Variants in HSD17B14 observed in about 807,000 individuals in gnomAD.
HSD17B14 encodes hydroxysteroid 17-beta dehydrogenase 14, also known as L-fucose dehydrogenase.
A neutral mutation model predicts 32.2 loss-of-function variants in HSD17B14; 32 were observed. That is an observed-to-expected ratio of 0.99 (90% CI 0.75 to 1.33). The LOEUF (loss-of-function observed/expected upper bound fraction) is 1.33. Among genes scored for constraint, HSD17B14 ranks in the 40% most tolerant of loss-of-function variants. HSD17B14 has a pLI of 0.00. For missense variants in HSD17B14, 370 were observed against 366.5 expected (o/e 1.01, Z -0.08); for synonymous variants, 140 against 155.4 (o/e 0.90, Z 0.74).
intron 5 of HSD17B14, among the ~76,000 whole-genome samples, chr19:48,823,804 A>AT (rs1310704953): frequency 1.3e-5 from 2 of 150,094 alleles, no homozygotes; most frequent in African/African-American, 4.9e-5. Flanking sequence ...TGCCCCGCTA[A>AT]TTTTTTTTGT....
chr19:48,834,128 G>C, intron 3 of HSD17B14, 148 bp downstream of exon 3: 1 of 647,644 alleles, frequency 1.5e-6, no homozygotes, highest in South Asian at 1.8e-5. Flanking sequence ...CCTTGTGTGT[G>C]GAGTGACACT....
chr19:48,827,531 T>C (rs1385223351), intron 5 of HSD17B14, among the ~76,000 whole-genome samples: 1 of 151,214 alleles, frequency 6.6e-6, no homozygotes, highest in Non-Finnish European at 1.5e-5. Flanking sequence ...GGCTTTGATG[T>C]GTGTTCTTCT....
chr19:48,827,465 T>C (rs1270780810), intron 5 of HSD17B14, among the ~76,000 whole-genome samples: 1 of 152,120 alleles, frequency 6.6e-6, no homozygotes, highest in East Asian at 1.9e-4. Context: ...AGAATAAAGA[T>C]GTTATGGAGA....
At position 48,813,748 on chromosome 19, in the gene HSD17B14, G is replaced by C. The variant is rs2035003790; in HGVS notation, c.475-18C>G. On this transcript the variant is annotated intron_variant, in intron 6 of 8. Transcript: ENST00000263278. The stretch of plus-strand genomic sequence containing the variant: ...ACTGCCCCCTGCAGGAAATGGAGCG[G>C]GGAAGAAAGTTCAGTCCCCGGGACA... The C allele has an allele frequency of 1.2e-6, 2 of 1,614,036 alleles. No homozygotes were observed. Among genetic ancestry groups the C allele is most frequent in the African/African-American group, 2.7e-5 (2 of 74,928 alleles).
At chr19:48,817,866 G>A (rs1459165337) in intron 5 of HSD17B14, among the ~76,000 whole-genome samples, 2 of 152,176 alleles carry the variant, frequency 1.3e-5, no homozygotes, top group Admixed American at 6.5e-5. Flanking sequence ...GTACAGCTGA[G>A]AGTCCCATTT....
chr19:48,820,533 ATT>A (rs531121579), intron 5 of HSD17B14, among the ~76,000 whole-genome samples: 4 of 141,078 alleles, frequency 2.8e-5, no homozygotes, highest in East Asian at 2.1e-4. Context: ...GAATGGATAG[ATT>A]TTTTTTTTTT....
At chr19:48,828,428 A>G (rs767442071) in intron 5 of HSD17B14, among the ~76,000 whole-genome samples, 3 of 151,554 alleles carry the variant, frequency 2.0e-5, no homozygotes, top group Non-Finnish European at 2.9e-5. Context: ...GACCAGCCTG[A>G]GCAGCATAGA....
intron 5 of HSD17B14, among the ~76,000 whole-genome samples, chr19:48,815,389 C>A (rs2035034865): frequency 1.3e-5 from 2 of 152,148 alleles, no homozygotes; most frequent in South Asian, 4.1e-4. Flanking sequence ...TCTCCTCGGT[C>A]TCTGACTCTG....
chr19:48,820,920 T>C (rs146930165), intron 5 of HSD17B14, among the ~76,000 whole-genome samples: 2,770 of 151,816 alleles, frequency 0.018, 89 homozygotes, highest in African/African-American at 0.063. Context: ...GCCAGGCTGG[T>C]CTCAAACCCC....
chr19:48,827,711 G>C (rs1034256619), intron 5 of HSD17B14, among the ~76,000 whole-genome samples: 1 of 150,524 alleles, frequency 6.6e-6, no homozygotes, highest in African/African-American at 2.4e-5. Flanking sequence ...CTAATTTTTT[G>C]TGTATTTTTA....
intron 5 of HSD17B14, among the ~76,000 whole-genome samples, chr19:48,828,677 C>T (rs756294195): frequency 6.6e-6 from 1 of 151,924 alleles, no homozygotes; most frequent in Non-Finnish European, 1.5e-5. Flanking sequence ...CACCTGTAAT[C>T]CCAGGAGTTT....
intron 5 of HSD17B14, among the ~76,000 whole-genome samples, chr19:48,828,075 C>T (rs577673726): frequency 1.3e-5 from 2 of 151,620 alleles, no homozygotes; most frequent in Non-Finnish European, 2.9e-5. Context: ...AAGATGGTCT[C>T]GATCTCCTGA....
chr19:48,815,117 T>C lies in HSD17B14; in HGVS notation c.394A>G (p.Ser132Gly). The change falls in exon 6 of 9, where the codon AGT becomes GGT. Residue 132 changes from serine to glycine, a missense_variant. Ser to Gly is a moderately conservative substitution (Grantham distance 56). Transcript: ENST00000263278. ...TKLALPYLRKSQGNVINISSL... is the reference protein window; with the variant it reads ...TKLALPYLRKGQGNVINISSL... ...GAGATGTTGATGACATTCCCTTGAC[T>C]CTTCCGCAGGTAGGGGAGGGCGAGC... 6.2e-7 allele frequency: 1 copy of C among 1,613,946 alleles called. No homozygotes were observed. Among genetic ancestry groups the C allele is most frequent in the South Asian group, 1.1e-5 (1 of 91,082 alleles).
intron 5 of HSD17B14, among the ~76,000 whole-genome samples, chr19:48,826,525 G>GAAGAAAAAAAAAAAAAAAA (rs1555776978): frequency 1.9e-4 from 1 of 5,148 alleles, no homozygotes; most frequent in African/African-American, 2.7e-4. Flanking sequence ...AAGAAAAGAA[G>GAAGAAAAAAAAAAAAAAAA]AAAATATATA....
Position 48,819,329 on chromosome 19 carries a change from C to T in HSD17B14, c.370-4188G>A, listed in dbSNP as rs554023800. On this transcript the variant is annotated intron_variant, in intron 5 of 8. Transcript: ENST00000263278. ...CCTAATACTGGTTCTCCCACTCTCA[C>T]GCTTAACCCTCAGATTTGTCCCTCA... Among the ~76,000 whole-genome samples the T allele has an allele frequency of 1.8e-3, 267 of 152,252 alleles. 1 individual carries two copies. Among genetic ancestry groups the T allele is most frequent in the African/African-American group, 5.8e-3 (242 of 41,574 alleles).
chr19:48,828,444 C>A (rs2035286593), intron 5 of HSD17B14, among the ~76,000 whole-genome samples: 1 of 151,578 alleles, frequency 6.6e-6, no homozygotes, highest in Admixed American at 6.6e-5. Context: ...ATAGAAAGAC[C>A]CTGTCTCTAC....
intron 5 of HSD17B14, among the ~76,000 whole-genome samples, chr19:48,822,362 A>T: frequency 6.8e-6 from 1 of 147,612 alleles, no homozygotes; most frequent in Non-Finnish European, 1.5e-5. Flanking sequence ...GGTGGCAATG[A>T]TGGTGATGCT....
intron 5 of HSD17B14, among the ~76,000 whole-genome samples, chr19:48,816,022 G>GAAAAA (rs71179053): frequency 1.6e-4 from 12 of 74,178 alleles, no homozygotes; most frequent in Non-Finnish European, 1.7e-4. Flanking sequence ...CTCCGTTTCA[G>GAAAAA]AAAAAAAAAA....
At chr19:48,813,610 C>A (rs984340663) in intron 7 of HSD17B14, 53 bp downstream of exon 7, 3 of 1,611,778 alleles carry the variant, frequency 1.9e-6, no homozygotes, top group Non-Finnish European at 2.5e-6. Flanking sequence ...TGGGATCACT[C>A]CCAGTCACCC....
Sources: allele counts gnomAD v4.1 joint callset (sites outside exome capture counted in the v4.1 genomes callset), GRCh38; gene constraint gnomAD v4.1.1; transcripts MANE v1.5; gene names NCBI Gene and HGNC (gene_info 2026-07-23, HGNC 2026-07-21).